CFAP61: variants seen among roughly 807,000 people sequenced by gnomAD.
CFAP61 encodes cilia- and flagella-associated protein 61.
CFAP61 carries 107 observed loss-of-function variants against 135.6 expected under a neutral mutation model. That is an observed-to-expected ratio of 0.79 (90% CI 0.67 to 0.93). CFAP61 has a LOEUF of 0.93. CFAP61 is among the 40% of genes least tolerant of loss of function. CFAP61 has a pLI of 0.00. For missense variants in CFAP61, 1,507 were observed against 1,556.2 expected (o/e 0.97, Z 0.53); for synonymous variants, 575 against 578.5 (o/e 0.99, Z 0.09).
At chr20:20,114,276 T>A (rs73605583) in intron 8 of CFAP61, among the ~76,000 whole-genome samples, 14,890 of 152,016 alleles carry the variant, frequency 0.098, 1,511 homozygotes, top group East Asian at 0.59. Context: ...TCTCTAAAAT[T>A]AAATTAAATT....
rs1044108981 is a variant in CFAP61, at chr20:20,063,979, A to G, written c.144-6875A>G. On this transcript the variant is annotated intron_variant, in intron 2 of 26. Transcript: ENST00000245957. The stretch of plus-strand genomic sequence containing the variant: ...CTGACAAAATAACTCTAAGCTCATT[A>G]TGGGGTAAATTGTCAACTATTGAAA... Among the ~76,000 whole-genome samples, 3 of 150,096 alleles carry G rather than the reference A, an allele frequency of 2.0e-5. No homozygotes were observed. The Admixed American group carries it at 2.0e-4, about 10-fold the overall frequency.
intron 21 of CFAP61, among the ~76,000 whole-genome samples, chr20:20,272,124 A>G: frequency 6.6e-6 from 1 of 152,228 alleles, no homozygotes. Context: ...TATTTAATTA[A>G]CTGAAGTTTT....
chr20:20,354,724 G>A (rs976125487), intron 26 of CFAP61, among the ~76,000 whole-genome samples: 3 of 151,444 alleles, frequency 2.0e-5, no homozygotes, highest in African/African-American at 7.3e-5. Context: ...GAGGGGAGGT[G>A]GTCACACTGT....
intron 13 of CFAP61, among the ~76,000 whole-genome samples, chr20:20,175,940 T>A (rs1246447779): frequency 6.6e-6 from 1 of 151,690 alleles, no homozygotes; most frequent in African/African-American, 2.4e-5. Flanking sequence ...TGCGAGAAAA[T>A]TTTTGCAATC....
chr20:20,359,063 G>T lies in CFAP61; in HGVS notation c.3514-1147G>T, dbSNP rs2059378553. On this transcript the variant is annotated intron_variant, in intron 26 of 26. Coordinates refer to ENST00000245957, the MANE Select transcript of CFAP61 (RefSeq NM_015585.4). The surrounding 1 kb of genome is among the most constrained non-coding windows in gnomAD (Gnocchi z 4.0). Reference sequence around the variant, plus strand: ...AGCAGATGTTAACTGTGGAGTCCAGGTGCAGGTGTGCAGGTGTTCAGTGGA... The same window carrying T: ...AGCAGATGTTAACTGTGGAGTCCAGTTGCAGGTGTGCAGGTGTTCAGTGGA... Among the ~76,000 whole-genome samples the T allele has an allele frequency of 6.6e-6, 1 of 152,148 alleles. No homozygotes were observed. The highest frequency in any genetic ancestry group is 2.4e-5 in the African/African-American group (1 of 41,436).
chr20:20,052,594 G>C lies in CFAP61; in HGVS notation c.-37+3G>C. 6.2e-7 allele frequency: 1 copy of C among 1,613,834 alleles called. No homozygotes were observed. Among genetic ancestry groups the C allele is most frequent in the Non-Finnish European group, 8.5e-7 (1 of 1,179,890 alleles). ...GGCGTCCTGGAGCTGCGGATGAGGT[G>C]GGTAACGCCGTGCTGACTAGCAGCG... On this transcript the variant is annotated splice_donor_region_variant and intron_variant, in intron 1 of 26. Coordinates refer to ENST00000245957, the MANE Select transcript of CFAP61 (RefSeq NM_015585.4).
In CFAP61 at chr20:20,253,389, T is replaced by C. The variant is rs554768745; in HGVS notation, c.2328+1626T>C. 5 of 234,902 alleles carry C rather than the reference T, an allele frequency of 2.1e-5. No individual in the cohort carries two copies. In the South Asian group the frequency reaches 2.5e-4, roughly 12 times the overall value. 14.6% of individuals were successfully genotyped at this position (234,902 alleles called of 1,614,324 possible). On this transcript the variant is annotated intron_variant, in intron 20 of 26. Coordinates refer to ENST00000245957, the MANE Select transcript of CFAP61 (RefSeq NM_015585.4). ...GCAGCCTCTTCTGGTTTAGGAACAA[T>C]TTGTTCCTTTTCAATAAGGCTCATC...
chr20:20,255,662 A>G (rs540289098), intron 20 of CFAP61, among the ~76,000 whole-genome samples: 1 of 152,310 alleles, frequency 6.6e-6, no homozygotes, highest in Admixed American at 6.5e-5. Context: ...AAGAGACCTG[A>G]GAAAGACACT....
intron 25 of CFAP61, among the ~76,000 whole-genome samples, chr20:20,308,644 G>C (rs2424345): frequency 0.37 from 55,890 of 151,984 alleles, 11,031 homozygotes; most frequent in Middle Eastern, 0.54. Flanking sequence ...CCAGAGTTAT[G>C]AAGACAACCT....
intron 25 of CFAP61, chr20:20,323,316 G>C (rs1175053463): frequency 1.0e-6 from 1 of 985,222 alleles, no homozygotes; most frequent in African/African-American, 1.7e-5. Flanking sequence ...CTTCAAAAGA[G>C]AGTAAGAAAT....
At chr20:20,149,151 A>G (rs1164191228) in intron 9 of CFAP61, among the ~76,000 whole-genome samples, 1 of 152,242 alleles carries the variant, frequency 6.6e-6, no homozygotes, top group African/African-American at 2.4e-5. Context: ...TACATAGAAC[A>G]TGGACAGTTT....
chr20:20,264,554 G>A (rs942588086), intron 21 of CFAP61, among the ~76,000 whole-genome samples: 4 of 152,158 alleles, frequency 2.6e-5, no homozygotes, highest in Admixed American at 2.6e-4. Flanking sequence ...ATCACCCCAT[G>A]ATCTATGTAG....
At chr20:20,073,297 G>A (rs1285660296) in intron 3 of CFAP61, among the ~76,000 whole-genome samples, 4 of 152,160 alleles carry the variant, frequency 2.6e-5, no homozygotes, top group African/African-American at 4.8e-5. Flanking sequence ...GATTTGTGTT[G>A]TTTGCCTTTT....
At chr20:20,326,617 A>T (rs1207241071) in intron 25 of CFAP61, among the ~76,000 whole-genome samples, 1 of 152,184 alleles carries the variant, frequency 6.6e-6, no homozygotes, top group Non-Finnish European at 1.5e-5. Flanking sequence ...TTTCCTATGT[A>T]ATTGAAATAC....
rs1337072783 is a variant in CFAP61 at position 20,290,334 on chromosome 20, T to C, written c.3159T>C (p.His1053=). 1 of 1,613,672 alleles carries C rather than the reference T, an allele frequency of 6.2e-7. No homozygotes were observed. Among genetic ancestry groups the C allele is most frequent in the Non-Finnish European group, 8.5e-7 (1 of 1,179,518 alleles). Reference sequence around the variant, plus strand: ...TTCCTGGGTCTTACCATTATCTGCATATTGCCAAGCCTGCCATTCCAACTC... The same window carrying C: ...TTCCTGGGTCTTACCATTATCTGCACATTGCCAAGCCTGCCATTCCAACTC... The part of the protein sequence containing the change: ...GILPGSYHYL[H]IAKPAIPTPL... The change falls in exon 24 of 27, where the codon CAT becomes CAC. Residue 1053 remains histidine (H), a synonymous_variant. Transcript: ENST00000245957.
intron 13 of CFAP61, among the ~76,000 whole-genome samples, chr20:20,186,838 G>T (rs926766684): frequency 6.6e-6 from 1 of 152,150 alleles, no homozygotes; most frequent in African/African-American, 2.4e-5. Flanking sequence ...AGGAGGAATG[G>T]CATTGTCCCA....
chr20:20,242,221 G>A (rs746488691), intron 18 of CFAP61, among the ~76,000 whole-genome samples: 4 of 152,158 alleles, frequency 2.6e-5, no homozygotes, highest in Admixed American at 6.5e-5. Context: ...CTCTGACTTG[G>A]TGAAGGCTTC....
intron 26 of CFAP61, among the ~76,000 whole-genome samples, chr20:20,351,388 C>G (rs2058828166): frequency 6.6e-6 from 1 of 152,094 alleles, no homozygotes; most frequent in African/African-American, 2.4e-5. Flanking sequence ...CAAGACCAGC[C>G]TGGCCAACAT....
intron 26 of CFAP61, among the ~76,000 whole-genome samples, chr20:20,344,815 G>T (rs2058573605): frequency 6.6e-6 from 1 of 152,038 alleles, no homozygotes; most frequent in South Asian, 2.1e-4. Context: ...GTTTATTGCA[G>T]CACTACTCAC....
Sources: gnomAD v4.1 joint callset for allele counts (sites outside exome capture counted in the v4.1 genomes callset) on GRCh38, gnomAD v4.1.1 for gene constraint, Gnocchi (gnomAD v3.1) non-coding constraint, MANE v1.5 for transcripts, NCBI Gene and HGNC (gene_info 2026-07-23, HGNC 2026-07-21) for gene names.